ROBO1: variants seen among roughly 807,000 people sequenced by gnomAD.
The protein encoded by ROBO1 is roundabout homolog 1.
In ROBO1, 149 loss-of-function variants were observed where a neutral mutation model predicts 195.9. That is an observed-to-expected ratio of 0.76 (90% CI 0.67 to 0.87). The LOEUF (loss-of-function observed/expected upper bound fraction) is 0.87. ROBO1 is among the 40% of genes least tolerant of loss of function. ROBO1 has a pLI of 0.00. For synonymous variants in ROBO1, 816 were observed against 733.2 expected, an observed-to-expected ratio of 1.11 and a Z score of -1.82; for missense variants, 1,933 against 2,068.3, an observed-to-expected ratio of 0.93 and a Z score of 1.27.
intron 1 of ROBO1, among the ~76,000 whole-genome samples, chr3:79,721,287 T>G (rs1355399890): frequency 6.6e-6 from 1 of 152,186 alleles, no homozygotes; most frequent in Non-Finnish European, 1.5e-5. Flanking sequence ...AAACATTTCT[T>G]TTTAAATAGA....
intron 1 of ROBO1, among the ~76,000 whole-genome samples, chr3:79,647,467 T>C (rs938057991): frequency 2.0e-5 from 3 of 152,084 alleles, no homozygotes; most frequent in African/African-American, 7.2e-5. Flanking sequence ...CTGGAGGGCC[T>C]GGAGTTTATC....
At chr3:79,269,855 T>A (rs2030360320) in intron 2 of ROBO1, among the ~76,000 whole-genome samples, 2 of 151,698 alleles carry the variant, frequency 1.3e-5, no homozygotes, top group Non-Finnish European at 3.0e-5. Flanking sequence ...AATCCTATAT[T>A]CCATATCTCA....
chr3:79,630,129 T>C (rs1377134750), intron 1 of ROBO1, among the ~76,000 whole-genome samples: 1 of 151,906 alleles, frequency 6.6e-6, no homozygotes, highest in African/African-American at 2.4e-5. Flanking sequence ...GAGATTTCTC[T>C]GTAATTCATT....
chr3:79,359,832 A>G (rs1204385367), intron 2 of ROBO1, among the ~76,000 whole-genome samples: 1 of 151,952 alleles, frequency 6.6e-6, no homozygotes, highest in Non-Finnish European at 1.5e-5. Flanking sequence ...TACCAAGCAT[A>G]AGATAAAATA....
At chr3:79,353,897 T>G (rs1440242133) in intron 2 of ROBO1, among the ~76,000 whole-genome samples, 2 of 151,784 alleles carry the variant, frequency 1.3e-5, no homozygotes, top group African/African-American at 4.8e-5. Flanking sequence ...ATACAAAAAT[T>G]AGCCAGGCAT....
At chr3:79,325,268 A>T (rs895908909) in intron 2 of ROBO1, among the ~76,000 whole-genome samples, 1 of 152,194 alleles carries the variant, frequency 6.6e-6, no homozygotes, top group Non-Finnish European at 1.5e-5. Flanking sequence ...TACTGCTTGA[A>T]TATCCTGGTT....
At chr3:78,607,911 A>G (rs938129961) in intron 28 of ROBO1, among the ~76,000 whole-genome samples, 1 of 151,998 alleles carries the variant, frequency 6.6e-6, no homozygotes, top group African/African-American at 2.4e-5. Context: ...ACTACATTCA[A>G]TTGCATGTTT....
intron 1 of ROBO1, among the ~76,000 whole-genome samples, chr3:79,648,775 A>T (rs937072887): frequency 2.0e-5 from 3 of 152,122 alleles, no homozygotes; most frequent in African/African-American, 7.2e-5. Flanking sequence ...AAAACTGCAG[A>T]GGACTGAAGG....
At chr3:79,300,084 TG>T (rs1003167291) in intron 2 of ROBO1, among the ~76,000 whole-genome samples, 1 of 152,246 alleles carries the variant, frequency 6.6e-6, no homozygotes, top group Non-Finnish European at 1.5e-5. Context: ...TCGCTCGCTC[TG>T]GGCATCTCCT....
At chr3:79,419,143 A>C (rs544324218) in intron 2 of ROBO1, among the ~76,000 whole-genome samples, 72 of 152,266 alleles carry the variant, frequency 4.7e-4, no homozygotes, top group African/African-American at 1.7e-3. Context: ...TATGGAGTTG[A>C]GTCTAAGAGC....
intron 3 of ROBO1, among the ~76,000 whole-genome samples, chr3:78,971,033 A>G (rs1249504679): frequency 6.6e-6 from 1 of 152,212 alleles, no homozygotes; most frequent in Non-Finnish European, 1.5e-5. Context: ...ACAGTGTACT[A>G]GAATACACAA....
chr3:78,600,441 A>G (rs1703106384), intron 29 of ROBO1, 132 bp from the exon 30 acceptor site: 10 of 640,320 alleles, frequency 1.6e-5, no homozygotes, highest in East Asian at 2.7e-5. Flanking sequence ...AGGACACTCT[A>G]TAAGCATAAT....
At chr3:79,034,989 T>C (rs1025878457) in intron 3 of ROBO1, among the ~76,000 whole-genome samples, 11 of 152,112 alleles carry the variant, frequency 7.2e-5, no homozygotes, top group Non-Finnish European at 1.6e-4. Context: ...TATTTAAGTT[T>C]TACAGCATGT....
chr3:78,692,598 T>C (rs2081199902), intron 8 of ROBO1, among the ~76,000 whole-genome samples: 1 of 152,158 alleles, frequency 6.6e-6, no homozygotes, highest in Non-Finnish European at 1.5e-5. Flanking sequence ...TTAAAAATAG[T>C]GAGAGAGATT....
chr3:79,618,086 AT>A (rs996419250), intron 1 of ROBO1, among the ~76,000 whole-genome samples: 3 of 152,018 alleles, frequency 2.0e-5, no homozygotes, highest in Admixed American at 1.3e-4. Context: ...AGAAAAAAGA[AT>A]TTTTAAAAAA....
chr3:78,860,199 T>C (rs1033079883), intron 4 of ROBO1, among the ~76,000 whole-genome samples: 1 of 150,486 alleles, frequency 6.6e-6, no homozygotes, highest in East Asian at 1.9e-4. Context: ...GATTGCTGAA[T>C]AGGTTTTCTG....
intron 10 of ROBO1, among the ~76,000 whole-genome samples, chr3:78,675,161 TA>T (rs111725105): frequency 0.034 from 4,764 of 141,254 alleles, 93 homozygotes; most frequent in African/African-American, 0.069. Flanking sequence ...ATCCACTCAT[TA>T]AAAAAAAAAA....
Position 78,755,108 on chromosome 3 carries a change from A to G in ROBO1, c.500-8208T>C, listed in dbSNP as rs2082895155. Among the ~76,000 whole-genome samples, 3 of 152,204 alleles carry G rather than the reference A, an allele frequency of 2.0e-5. No homozygotes were observed. The South Asian group carries it at 6.2e-4, about 31-fold the overall frequency. The stretch of plus-strand genomic sequence containing the variant: ...CTGGAGTCTTAAGCAACATAGTGTT[A>G]TAATGAAATTCTCATACTTCAGTGT... On this transcript the variant is annotated intron_variant, in intron 4 of 30. Transcript: ENST00000464233.
chr3:79,300,582 C>A (rs2032878691), intron 2 of ROBO1, among the ~76,000 whole-genome samples: 1 of 152,194 alleles, frequency 6.6e-6, no homozygotes, highest in African/African-American at 2.4e-5. Flanking sequence ...TCCCATCGAC[C>A]ACCCAAGGGC....
Sources: gnomAD v4.1 joint callset for allele counts (sites outside exome capture counted in the v4.1 genomes callset) on GRCh38, gnomAD v4.1.1 for gene constraint, MANE v1.5 for transcripts, NCBI Gene and HGNC (gene_info 2026-07-23, HGNC 2026-07-21) for gene names.